Variants in EHBP1 observed in about 807,000 individuals in gnomAD.
EHBP1 encodes the protein EH domain binding protein 1.
In EHBP1, 55 loss-of-function variants were observed where a neutral mutation model predicts 144.0. The ratio of observed to expected loss-of-function variants is 0.38; its 90% CI spans 0.31 to 0.48. The LOEUF (loss-of-function observed/expected upper bound fraction) is 0.48. Among genes scored for constraint, EHBP1 ranks in the 20% least tolerant of loss-of-function variants. The probability of loss-of-function intolerance (pLI) is 0.98; values close to 1 mark genes in which losing one functional copy is unlikely to be tolerated. For synonymous variants in EHBP1, 469 were observed against 472.7 expected (o/e 0.99, Z 0.10); for missense variants, 1,200 against 1,364.2 (o/e 0.88, Z 1.90).
chr2:62,805,688 T>A (rs1287875463), intron 5 of EHBP1, among the ~76,000 whole-genome samples: 1 of 152,058 alleles, frequency 6.6e-6, no homozygotes, highest in Non-Finnish European at 1.5e-5. Flanking sequence ...CTAATTGTTT[T>A]GTATTTTTGT....
intron 3 of EHBP1, among the ~76,000 whole-genome samples, chr2:62,761,777 C>T (rs2040789091): frequency 6.6e-6 from 1 of 152,184 alleles, no homozygotes; most frequent in Non-Finnish European, 1.5e-5. Flanking sequence ...TTTTCCCTCT[C>T]AACTGAATAT....
chr2:62,675,286 G>A (rs1043287626), intron 1 of EHBP1, among the ~76,000 whole-genome samples: 3 of 152,156 alleles, frequency 2.0e-5, no homozygotes, highest in Non-Finnish European at 4.4e-5. Flanking sequence ...GTCCTTCACT[G>A]ACCATGAACC....
intron 13 of EHBP1, among the ~76,000 whole-genome samples, chr2:62,953,212 C>T (rs1341694046): frequency 9.1e-6 from 1 of 109,414 alleles, no homozygotes; most frequent in Non-Finnish European, 1.8e-5. Flanking sequence ...AGCGAAAGTC[C>T]GTCTCAAAAA....
chr2:62,746,815 G>C (rs148460465), intron 2 of EHBP1, among the ~76,000 whole-genome samples: 1 of 151,990 alleles, frequency 6.6e-6, no homozygotes, highest in Non-Finnish European at 1.5e-5. Context: ...TTCTGCCAGA[G>C]CTTTTGATTA....
intron 14 of EHBP1, among the ~76,000 whole-genome samples, chr2:62,961,384 CT>C (rs1326418643): frequency 6.6e-6 from 1 of 152,154 alleles, no homozygotes; most frequent in African/African-American, 2.4e-5. Flanking sequence ...CATTTGCTCC[CT>C]GAAATTATGT....
chr2:63,038,436 T>A (rs1248073327), intron 20 of EHBP1, among the ~76,000 whole-genome samples: 2 of 152,140 alleles, frequency 1.3e-5, no homozygotes, highest in Non-Finnish European at 2.9e-5. Context: ...GATTATAAAT[T>A]ATGAAAAATA....
intron 2 of EHBP1, among the ~76,000 whole-genome samples, chr2:62,747,179 C>T (rs2039239428): frequency 6.6e-6 from 1 of 151,930 alleles, no homozygotes; most frequent in Admixed American, 6.6e-5. Context: ...ATTTAACTTG[C>T]TAAAGTATTG....
rs917034665 is a variant in EHBP1 at position 62,989,629 on chromosome 2, C to T, written c.2609-1087C>T. ...TTGGAGTTAACTAATAAATTGTTTA[C>T]GGCTCTCAAGCATGCCAGTTAAGTG... On this transcript the variant is annotated intron_variant, in intron 15 of 22. Transcript: ENST00000431489. Among the ~76,000 whole-genome samples the T allele has an allele frequency of 3.3e-5, 5 of 152,042 alleles. No individual in the cohort carries two copies. In the South Asian group the frequency reaches 6.2e-4, roughly 19 times the overall value.
rs2061900966 is a variant in EHBP1, at chr2:63,045,212, G to T, written c.3392+32G>T. The T allele has an allele frequency of 1.4e-5, 22 of 1,543,874 alleles. No homozygotes were observed. The highest frequency in any genetic ancestry group is 1.9e-5 in the Non-Finnish European group (22 of 1,136,420). On this transcript the variant is annotated intron_variant, in intron 22 of 22. Transcript: ENST00000431489. The surrounding 1 kb of genome is among the most constrained non-coding windows in gnomAD (Gnocchi z 5.7). ...GGGCAGTGGGGTCGGGTCGAGGCTG[G>T]GCCACCTGCCGAGGGGCCGAGAAGT...
At chr2:62,963,607 T>C (rs990443260) in intron 14 of EHBP1, among the ~76,000 whole-genome samples, 4 of 152,224 alleles carry the variant, frequency 2.6e-5, no homozygotes, top group Admixed American at 1.3e-4. Flanking sequence ...TAAAATTTCG[T>C]ATTTTTCCTA....
intron 3 of EHBP1, among the ~76,000 whole-genome samples, chr2:62,753,646 A>G (rs888211413): frequency 1.3e-5 from 2 of 152,064 alleles, no homozygotes; most frequent in African/African-American, 4.8e-5. Flanking sequence ...CACCAATCAG[A>G]CGTAGATTTG....
At chr2:62,935,846 A>G (rs528703332) in intron 10 of EHBP1, among the ~76,000 whole-genome samples, 31 of 152,272 alleles carry the variant, frequency 2.0e-4, no homozygotes, top group African/African-American at 7.5e-4. Flanking sequence ...TTTTTAGAAT[A>G]TAAATGGACA....
chr2:62,881,096 T>C (rs1195220041), intron 10 of EHBP1, among the ~76,000 whole-genome samples: 1 of 152,106 alleles, frequency 6.6e-6, no homozygotes, highest in African/African-American at 2.4e-5. Flanking sequence ...TTGCAGCACA[T>C]GGATGGAGCT....
Position 62,902,862 on chromosome 2 carries a change from T to TA in EHBP1, c.1185+28334dup, listed in dbSNP as rs796491359. Among the ~76,000 whole-genome samples, 74 of 152,348 alleles carry TA rather than the reference T, an allele frequency of 4.9e-4. 1 individual carries two copies. The highest frequency in any genetic ancestry group is 1.6e-3 in the African/African-American group (66 of 41,582). Reference sequence around the variant, plus strand: ...TCATGTAAAAATAGTTGGTTTATTTTAAAAGATATTAGTTTGTTATATAGA... The same window carrying TA: ...TCATGTAAAAATAGTTGGTTTATTTTAAAAAGATATTAGTTTGTTATATAGA... On this transcript the variant is annotated intron_variant, in intron 10 of 22. Transcript: ENST00000431489.
Position 62,842,334 on chromosome 2 carries a change from G to A in EHBP1, c.634+11176G>A, listed in dbSNP as rs531410563. ...ACTCCTGACCTCAGGAGATCCGCCCGCTTTCCTCCCAAAGTGCTGAGATTA... is the reference window on the plus strand; with the variant it reads ...ACTCCTGACCTCAGGAGATCCGCCCACTTTCCTCCCAAAGTGCTGAGATTA... On this transcript the variant is annotated intron_variant, in intron 7 of 22. Coordinates refer to ENST00000431489, the MANE Select transcript of EHBP1 (RefSeq NM_001142616.3). Among the ~76,000 whole-genome samples, 26 of 152,190 alleles carry A rather than the reference G, an allele frequency of 1.7e-4. No homozygotes were observed. In the South Asian group the frequency reaches 4.8e-3, roughly 28 times the overall value.
chr2:62,811,769 A>G (rs1026875842), intron 5 of EHBP1, among the ~76,000 whole-genome samples: 3 of 152,246 alleles, frequency 2.0e-5, no homozygotes, highest in Admixed American at 6.5e-5. Flanking sequence ...TTCTTGAGTC[A>G]GTAGAGAAAG....
At chr2:62,979,924 A>C (rs1255315349) in intron 15 of EHBP1, among the ~76,000 whole-genome samples, 1 of 152,216 alleles carries the variant, frequency 6.6e-6, no homozygotes, top group African/African-American at 2.4e-5. Flanking sequence ...TTTTAACTTC[A>C]GAGATGCTCA....
chr2:62,948,798 A>G lies in EHBP1; in HGVS notation c.1952A>G (p.Lys651Arg). ...DSTQAQVLLG[K>R]KRLLKAETLE... ...ACCCAAGCACAGGTTTTGTTAGGCA[A>G]AAAGAGACTATTGAAAGCTGAGACT... is the stretch of plus-strand genomic sequence containing the variant. The change falls in exon 13 of 23, where the codon AAA becomes AGA. Residue 651 changes from lysine to arginine, a missense_variant. Lys to Arg is a conservative substitution (Grantham distance 26). Coordinates refer to ENST00000431489, the MANE Select transcript of EHBP1 (RefSeq NM_001142616.3). The G allele has an allele frequency of 6.2e-7, 1 of 1,614,156 alleles. No homozygotes were observed. Among genetic ancestry groups the G allele is most frequent in the Non-Finnish European group, 8.5e-7 (1 of 1,180,002 alleles).
intron 7 of EHBP1, among the ~76,000 whole-genome samples, chr2:62,837,805 A>T (rs1450875404): frequency 2.6e-5 from 4 of 152,280 alleles, no homozygotes; most frequent in Admixed American, 2.6e-4. Context: ...CTAAATATAT[A>T]TGCACCCAAT....
Sources: gnomAD v4.1 joint callset for allele counts (sites outside exome capture counted in the v4.1 genomes callset) on GRCh38, gnomAD v4.1.1 for gene constraint, Gnocchi (gnomAD v3.1) non-coding constraint, MANE v1.5 for transcripts, NCBI Gene and HGNC (gene_info 2026-07-23, HGNC 2026-07-21) for gene names.